The following PEF1 variants were observed in gnomAD, a reference collection of about 807,000 sequenced individuals.
PEF1 encodes penta-EF-hand domain containing 1, also known as peflin.
A neutral mutation model predicts 32.0 loss-of-function variants in PEF1; 17 were observed. The observed-to-expected ratio is 0.53, with a 90% CI of 0.36 to 0.80. The LOEUF (loss-of-function observed/expected upper bound fraction) is 0.80. Ranked by LOEUF, PEF1 falls within the 30% of genes least tolerant of loss-of-function variation. The pLI is 0.00. For synonymous variants in PEF1, 130 were observed against 139.8 expected, an observed-to-expected ratio of 0.93 and a Z score of 0.50; for missense variants, 362 against 369.1, an observed-to-expected ratio of 0.98 and a Z score of 0.16.
intron 2 of PEF1, among the ~76,000 whole-genome samples, chr1:31,633,916 T>C (rs1026787027): frequency 1.3e-5 from 2 of 151,214 alleles, no homozygotes; most frequent in Non-Finnish European, 2.9e-5. Context: ...GATCACGCCA[T>C]TGCACTCCAG....
intron 1 of PEF1, chr1:31,644,597 G>A (rs1640501027): frequency 1.4e-6 from 2 of 1,434,830 alleles, no homozygotes; most frequent in African/African-American, 1.4e-5. Context: ...GGGGTCCAAG[G>A]TCCCCAAATC....
In PEF1 at chr1:31,632,457, C is replaced by A. The variant is rs143731704; in HGVS notation, c.625+38G>T. On this transcript the variant is annotated intron_variant, in intron 4 of 4. Transcript: ENST00000373703. ...TTAGGGTGTAAAGAGAAGAGTCTAGCTCTGTCCTGCCCATCGTGCCCCGGC... is the reference window on the plus strand; with the variant it reads ...TTAGGGTGTAAAGAGAAGAGTCTAGATCTGTCCTGCCCATCGTGCCCCGGC... 5.2e-5 allele frequency: 84 copies of A among 1,614,214 alleles called. No individual in the cohort carries two copies. In the African/African-American group the frequency reaches 1.1e-3, roughly 20 times the overall value.
At chr1:31,644,034 T>TAAAA (rs1219340268) in intron 1 of PEF1, 1 of 152,408 alleles carries the variant, frequency 6.6e-6, no homozygotes, top group South Asian at 2.1e-4. Context: ...GGCCCTATTT[T>TAAAA]ACAGGCGGAA....
At chr1:31,639,557 A>G (rs903458241) in intron 1 of PEF1, among the ~76,000 whole-genome samples, 3 of 152,222 alleles carry the variant, frequency 2.0e-5, no homozygotes, top group Admixed American at 1.3e-4. Context: ...TAGGAGAGGA[A>G]CGTGATGAGA....
chr1:31,639,396 C>T (rs1453688484), intron 1 of PEF1, among the ~76,000 whole-genome samples: 2 of 152,252 alleles, frequency 1.3e-5, no homozygotes, highest in East Asian at 1.9e-4. Context: ...GGGGCAGACA[C>T]TGCGCCTCAC....
chr1:31,638,477 G>A (rs1166968675), intron 1 of PEF1, among the ~76,000 whole-genome samples: 2 of 152,196 alleles, frequency 1.3e-5, no homozygotes, highest in Non-Finnish European at 2.9e-5. Context: ...GGCCAGACAC[G>A]AAGCCAGAAG....
intron 2 of PEF1, among the ~76,000 whole-genome samples, chr1:31,633,861 A>G (rs1640183174): frequency 1.3e-5 from 2 of 151,996 alleles, no homozygotes; most frequent in Non-Finnish European, 2.9e-5. Flanking sequence ...AGGCTGAAGC[A>G]GGAGAATCGC....
At position 31,635,423 on chromosome 1, in the gene PEF1, G is replaced by C. The variant is rs1475319446; in HGVS notation, c.124C>G (p.Pro42Ala). The change falls in exon 2 of 5, where the codon CCT (proline) becomes GCT (alanine). Residue 42 changes from proline to alanine, a missense_variant. Pro to Ala is a conservative substitution (Grantham distance 27, BLOSUM62 -1). Transcript: ENST00000373703. The stretch of plus-strand genomic sequence containing the variant: ...GCAGGACCCCCATAACCACCACCAG[G>C]GGGTAGCCCACTACCATACTGCCCT... ...SGGQYGSGLPPGGGYGGPAPG... is the reference protein window; with the variant it reads ...SGGQYGSGLPAGGGYGGPAPG... The C allele has an allele frequency of 8.1e-6, 13 of 1,612,386 alleles. No individual in the cohort carries two copies. The highest frequency in any genetic ancestry group is 3.4e-4 in the Middle Eastern group (2 of 5,844).
intron 1 of PEF1, among the ~76,000 whole-genome samples, chr1:31,642,978 C>A (rs7524405): frequency 0.57 from 87,312 of 152,094 alleles, 25,523 homozygotes; most frequent in Non-Finnish European, 0.62. Context: ...GGATGCACAC[C>A]AATTGTCCCT....
chr1:31,641,994 G>A (rs1640401818), intron 1 of PEF1, among the ~76,000 whole-genome samples: 1 of 152,266 alleles, frequency 6.6e-6, no homozygotes, highest in South Asian at 2.1e-4. Context: ...CACTGTGGGA[G>A]GCTGAGGCAG....
At position 31,643,203 on chromosome 1, in the gene PEF1, T is replaced by A. The variant is rs568830586; in HGVS notation, c.24+1638A>T. 7.2e-5 allele frequency among the ~76,000 whole-genome samples: 11 copies of A among 152,364 alleles called. No individual in the cohort carries two copies. In the South Asian group the frequency reaches 2.1e-3, roughly 29 times the overall value. ...TGAAAAGAAAGCCGGGAGGCGGAGT[T>A]TCTATGGTTAGATATGTTTAAGAAA... On this transcript the variant is annotated intron_variant, in intron 1 of 4. Transcript: ENST00000373703.
intron 1 of PEF1, among the ~76,000 whole-genome samples, chr1:31,639,891 C>T (rs1051840736): frequency 6.6e-6 from 1 of 152,198 alleles, no homozygotes; most frequent in Non-Finnish European, 1.5e-5. Flanking sequence ...GTGGTCCCCA[C>T]CTCACAGAGG....
At chr1:31,635,674 A>C in intron 1 of PEF1, 152 bp from the exon 2 acceptor site, 1 of 814,194 alleles carries the variant, frequency 1.2e-6, no homozygotes, top group Non-Finnish European at 1.7e-6. Flanking sequence ...AGATGGGCAA[A>C]CTGAGGCTTC....
At position 31,632,316 on chromosome 1, in the gene PEF1, G is replaced by A. The variant is rs1165176593; in HGVS notation, c.625+179C>T. On this transcript the variant is annotated intron_variant, in intron 4 of 4. Transcript: ENST00000373703. ...CAGGTGTTTCCTTGCCCTGGCTCTTGGCTCAGTGCCCCAGCTGGGTCAAAG... is the reference window on the plus strand; with the variant it reads ...CAGGTGTTTCCTTGCCCTGGCTCTTAGCTCAGTGCCCCAGCTGGGTCAAAG... 3 of 1,087,022 alleles carry A rather than the reference G, an allele frequency of 2.8e-6. No individual in the cohort carries two copies. The African/African-American group carries it at 4.7e-5, about 17-fold the overall frequency. The allele number at this position is 1,087,022 out of a possible 1,614,324, so 67.3% of individuals were successfully genotyped here.
chr1:31,644,484 A>C, intron 1 of PEF1: 5 of 1,228,590 alleles, frequency 4.1e-6, no homozygotes, highest in Non-Finnish European at 3.1e-6. Flanking sequence ...GATCGGCGGA[A>C]CCAGAACTCT....
intron 4 of PEF1, among the ~76,000 whole-genome samples, chr1:31,631,370 G>A (rs776798898): frequency 5.9e-5 from 9 of 152,194 alleles, no homozygotes; most frequent in Non-Finnish European, 1.0e-4. Context: ...ACTTAGCACA[G>A]TGACTGGCAC....
rs373796290 is a variant in PEF1 at position 31,633,185 on chromosome 1, T to C, written c.455A>G (p.Asn152Ser). ...TATCATCATGAGGCAGGTCTCATCA[T>C]TGAATGAAGACCAATTGCAGTTGAC... is the stretch of plus-strand genomic sequence containing the variant. ...ALVNCNWSSFNDETCLMMINM... is the reference protein window; with the variant it reads ...ALVNCNWSSFSDETCLMMINM... Residue 152 changes from asparagine to serine, a missense_variant, in exon 3 of 5, where the codon AAT becomes AGT. Physicochemically the swap from Asn to Ser is conservative, Grantham distance 46. Coordinates refer to ENST00000373703, the MANE Select transcript of PEF1 (RefSeq NM_012392.4). The C allele has an allele frequency of 3.7e-6, 6 of 1,614,040 alleles. No individual in the cohort carries two copies. Among genetic ancestry groups the C allele is most frequent in the Non-Finnish European group, 5.1e-6 (6 of 1,179,940 alleles).
At position 31,632,622 on chromosome 1, in the gene PEF1, G is replaced by T; in HGVS notation, c.498C>A (p.Thr166=). The T allele has an allele frequency of 3.7e-6, 6 of 1,614,010 alleles. No individual in the cohort carries two copies. The highest frequency in any genetic ancestry group is 5.1e-6 in the Non-Finnish European group (6 of 1,179,964). The change falls in exon 4 of 5, where the codon ACC becomes ACA. Residue 166 remains threonine (T), a synonymous_variant. Transcript: ENST00000373703. ...CLMMINMFDK[T]KSGRIDVYGF... The stretch of plus-strand genomic sequence containing the variant: ...CGTAGACATCGATGCGGCCTGACTT[G>T]GTCTTGTCAAACATGTCTGAAGGTG...
intron 1 of PEF1, chr1:31,644,623 T>C: frequency 6.9e-7 from 1 of 1,444,728 alleles, no homozygotes; most frequent in East Asian, 2.5e-5. Context: ...GTGAGCGACG[T>C]CAAGGGGGCG....
Sources: gnomAD v4.1 joint callset for allele counts (sites outside exome capture counted in the v4.1 genomes callset) on GRCh38, gnomAD v4.1.1 for gene constraint, MANE v1.5 for transcripts, NCBI Gene and HGNC (gene_info 2026-07-23, HGNC 2026-07-21) for gene names.